SPTBN1: variants seen among roughly 807,000 people sequenced by gnomAD.
SPTBN1 encodes spectrin beta chain, non-erythrocytic 1.
A neutral mutation model predicts 266.4 loss-of-function variants in SPTBN1; 32 were observed. The ratio of observed to expected loss-of-function variants is 0.12; its 90% CI spans 0.09 to 0.16. The LOEUF (loss-of-function observed/expected upper bound fraction) is 0.16, where lower values mean the gene tolerates loss of function less well. SPTBN1 is among the 10% of genes least tolerant of loss of function. The pLI is 1.00. For missense variants in SPTBN1, 2,296 were observed against 3,067.1 expected (o/e 0.75, Z 5.94); for synonymous variants, 1,336 against 1,162.2 (o/e 1.15, Z -3.04).
At chr2:54,575,220 A>C (rs1464326484) in intron 2 of SPTBN1, among the ~76,000 whole-genome samples, 1 of 152,208 alleles carries the variant, frequency 6.6e-6, no homozygotes, top group Non-Finnish European at 1.5e-5. Context: ...ATTCAGCCAC[A>C]TTCACAGGTG....
intron 1 of SPTBN1, among the ~76,000 whole-genome samples, chr2:54,493,842 C>T (rs1352991799): frequency 6.6e-6 from 1 of 152,154 alleles, no homozygotes; most frequent in Non-Finnish European, 1.5e-5. Context: ...AAACTGGAGA[C>T]CCCTGATACC....
intron 2 of SPTBN1, among the ~76,000 whole-genome samples, chr2:54,560,199 T>C (rs1488165191): frequency 7.0e-6 from 1 of 143,812 alleles, no homozygotes; most frequent in Non-Finnish European, 1.5e-5. Context: ...GGGGGGGGCG[T>C]TCATTATCTA....
chr2:54,622,726 T>C (rs1467016905), intron 9 of SPTBN1, among the ~76,000 whole-genome samples: 2 of 152,156 alleles, frequency 1.3e-5, no homozygotes, highest in African/African-American at 4.8e-5. Context: ...TTCCAAGAAA[T>C]GGTACAAGTC....
At chr2:54,630,621 T>C (rs903898545) in intron 15 of SPTBN1, among the ~76,000 whole-genome samples, 1 of 152,262 alleles carries the variant, frequency 6.6e-6, no homozygotes, top group African/African-American at 2.4e-5. Context: ...ATTGGAGCTC[T>C]GTAACACATT....
Position 54,626,314 on chromosome 2 carries a change from T to TACGTACAGCTGTGTGCCTTGTCTA in SPTBN1, c.1644+83_1644+106dup, listed in dbSNP as rs1411851737. On this transcript the variant is annotated intron_variant, in intron 12 of 35. Transcript: ENST00000356805. This position sits in a 1 kb window ranked among gnomAD's most constrained non-coding sequence, Gnocchi z 4.7. ...TTCTGTGACTCATTCACTAAACCCCTACGTACAGCTGTGTGCCTTGTCTAA... is the reference window on the plus strand; with the variant it reads ...TTCTGTGACTCATTCACTAAACCCCTACGTACAGCTGTGTGCCTTGTCTAACGTACAGCTGTGTGCCTTGTCTAA... The TACGTACAGCTGTGTGCCTTGTCTA allele has an allele frequency of 6.7e-7, 1 of 1,484,076 alleles. No homozygotes were observed. The highest frequency in any genetic ancestry group is 9.0e-7 in the Non-Finnish European group (1 of 1,105,312). 91.9% of individuals were successfully genotyped at this position (1,484,076 alleles called of 1,614,324 possible).
intron 1 of SPTBN1, among the ~76,000 whole-genome samples, chr2:54,463,257 A>T (rs1693459405): frequency 6.6e-6 from 1 of 152,244 alleles, no homozygotes; most frequent in Non-Finnish European, 1.5e-5. Context: ...AGCTAAGCTA[A>T]GGTGATAAAG....
chr2:54,566,326 T>C (rs1193544476), intron 2 of SPTBN1, among the ~76,000 whole-genome samples: 1 of 151,760 alleles, frequency 6.6e-6, no homozygotes, highest in African/African-American at 2.4e-5. Context: ...TAGCTGGGAT[T>C]ATAGGCGCCC....
chr2:54,463,332 C>T (rs1693463779), intron 1 of SPTBN1, among the ~76,000 whole-genome samples: 1 of 152,204 alleles, frequency 6.6e-6, no homozygotes, highest in Admixed American at 6.5e-5. Flanking sequence ...AAGTCAAGTG[C>T]ATGATTGGAT....
At chr2:54,469,506 T>A (rs1693810295) in intron 1 of SPTBN1, among the ~76,000 whole-genome samples, 2 of 152,214 alleles carry the variant, frequency 1.3e-5, no homozygotes, top group African/African-American at 2.4e-5. Flanking sequence ...GGAATCATTT[T>A]GTTTGCAGGT....
chr2:54,502,401 C>G (rs1279836755), intron 1 of SPTBN1, among the ~76,000 whole-genome samples: 2 of 152,048 alleles, frequency 1.3e-5, no homozygotes, highest in Admixed American at 6.6e-5. Context: ...CAACCCAGCC[C>G]TCTGTGAAGG....
Position 54,526,576 on chromosome 2 carries a change from TCA to T in SPTBN1, c.148+14_148+15del. 1.2e-6 allele frequency: 2 copies of T among 1,609,990 alleles called. No homozygotes were observed. The highest frequency in any genetic ancestry group is 1.1e-5 in the South Asian group (1 of 90,674). On this transcript the variant is annotated intron_variant, in intron 2 of 35. Transcript: ENST00000356805. ...ATCAAGGCTCTGGCAGGTGAGTCCT[TCA>T]CACCTGTCACAGAGGCCCAGGATGC...
Position 54,599,126 on chromosome 2 carries a change from C to G in SPTBN1, c.183C>G (p.Thr61=), listed in dbSNP as rs1676303603. ...EREAVQKKTF[T]KWVNSHLARV... is the part of the protein sequence containing the mutation. ...AAGCCGTGCAGAAGAAGACCTTCAC[C>G]AAGTGGGTCAATTCCCACCTTGCCC... The change falls in exon 3 of 36, where the codon ACC becomes ACG. Residue 61 remains threonine (T), a synonymous_variant. Coordinates refer to ENST00000356805, the MANE Select transcript of SPTBN1 (RefSeq NM_003128.3). 1 of 1,614,068 alleles carries G rather than the reference C, an allele frequency of 6.2e-7. No individual in the cohort carries two copies. The highest frequency in any genetic ancestry group is 8.5e-7 in the Non-Finnish European group (1 of 1,180,006).
intron 1 of SPTBN1, among the ~76,000 whole-genome samples, chr2:54,461,139 C>T (rs966147664): frequency 1.3e-5 from 2 of 152,188 alleles, no homozygotes; most frequent in Non-Finnish European, 2.9e-5. Flanking sequence ...ATATCATTCC[C>T]TTCTCTATGG....
intron 2 of SPTBN1, among the ~76,000 whole-genome samples, chr2:54,552,417 G>A (rs1005127970): frequency 1.3e-5 from 2 of 151,520 alleles, no homozygotes; most frequent in Non-Finnish European, 2.9e-5. Flanking sequence ...GAGAACCAAG[G>A]TTAAAAATTG....
chr2:54,522,677 AG>A (rs34355007), intron 1 of SPTBN1, among the ~76,000 whole-genome samples: 52 of 67,324 alleles, frequency 7.7e-4, no homozygotes, highest in Non-Finnish European at 1.2e-3. Flanking sequence ...AGAGAGAGAG[AG>A]GAGAGAGAGA....
At chr2:54,574,036 T>G (rs1449314302) in intron 2 of SPTBN1, among the ~76,000 whole-genome samples, 1 of 152,056 alleles carries the variant, frequency 6.6e-6, no homozygotes. Context: ...TCTAAGAAAT[T>G]TTTGTGGGGG....
At chr2:54,574,120 A>G (rs924801438) in intron 2 of SPTBN1, among the ~76,000 whole-genome samples, 2 of 152,164 alleles carry the variant, frequency 1.3e-5, no homozygotes, top group African/African-American at 4.8e-5. Context: ...ACACCTTTCC[A>G]GTAACAATAG....
intron 2 of SPTBN1, among the ~76,000 whole-genome samples, chr2:54,552,297 A>C (rs1428066518): frequency 6.6e-6 from 1 of 152,156 alleles, no homozygotes; most frequent in African/African-American, 2.4e-5. Flanking sequence ...CTATAATAGT[A>C]TCTTTGTAGA....
At chr2:54,573,221 C>A (rs1434461603) in intron 2 of SPTBN1, among the ~76,000 whole-genome samples, 2 of 152,084 alleles carry the variant, frequency 1.3e-5, no homozygotes, top group Admixed American at 1.3e-4. Flanking sequence ...TAAAGCGGTC[C>A]CCAGCCTTTT....
Sources: allele counts gnomAD v4.1 joint callset (sites outside exome capture counted in the v4.1 genomes callset), GRCh38; gene constraint gnomAD v4.1.1; non-coding constraint Gnocchi (gnomAD v3.1); transcripts MANE v1.5; gene names NCBI Gene and HGNC (gene_info 2026-07-23, HGNC 2026-07-21).